KCNH1: variants seen among roughly 807,000 people sequenced by gnomAD.
KCNH1 encodes the protein voltage-gated delayed rectifier potassium channel KCNH1.
A neutral mutation model predicts 69.2 loss-of-function variants in KCNH1; 27 were observed. The observed-to-expected ratio is 0.39, with a 90% CI of 0.29 to 0.54. The LOEUF is 0.54. Ranked by LOEUF, KCNH1 falls within the 20% of genes least tolerant of loss-of-function variation. The pLI, the probability that KCNH1 is intolerant of heterozygous loss-of-function variation, is 0.68. For synonymous variants in KCNH1, 456 were observed against 487.7 expected, an observed-to-expected ratio of 0.93 and a Z score of 0.86; for missense variants, 798 against 1,261.6, an observed-to-expected ratio of 0.63 and a Z score of 5.57.
intron 7 of KCNH1, among the ~76,000 whole-genome samples, chr1:210,812,260 A>C (rs1684719217): frequency 6.6e-6 from 1 of 152,178 alleles, no homozygotes; most frequent in Non-Finnish European, 1.5e-5. Flanking sequence ...TTACCTATTA[A>C]GAGCCACTAT....
chr1:210,895,627 T>C (rs1686849006), intron 7 of KCNH1, among the ~76,000 whole-genome samples: 1 of 152,060 alleles, frequency 6.6e-6, no homozygotes, highest in Non-Finnish European at 1.5e-5. Flanking sequence ...CTCTGACCCA[T>C]AATTATCTTC....
chr1:210,995,213 G>T (rs761594150), intron 6 of KCNH1, among the ~76,000 whole-genome samples: 1 of 152,100 alleles, frequency 6.6e-6, no homozygotes, highest in African/African-American at 2.4e-5. Flanking sequence ...CTTTAAAAGA[G>T]GAACAGATTC....
At chr1:210,717,374 G>C (rs1022312350) in intron 10 of KCNH1, among the ~76,000 whole-genome samples, 1 of 152,206 alleles carries the variant, frequency 6.6e-6, no homozygotes, top group African/African-American at 2.4e-5. Context: ...CTGCACCTCA[G>C]CATGGCCCCT....
chr1:210,777,898 T>A (rs764878587), intron 9 of KCNH1, among the ~76,000 whole-genome samples: 10 of 152,192 alleles, frequency 6.6e-5, no homozygotes, highest in Non-Finnish European at 1.2e-4. Flanking sequence ...GAAGAAGCGA[T>A]GTTCTGGGAT....
intron 6 of KCNH1, among the ~76,000 whole-genome samples, chr1:210,977,066 A>T (rs1185592308): frequency 2.6e-5 from 4 of 152,170 alleles, no homozygotes; most frequent in Non-Finnish European, 5.9e-5. Context: ...CAAATGTCCA[A>T]AAATGATAGA....
At chr1:210,736,590 T>A (rs1404072073) in intron 10 of KCNH1, among the ~76,000 whole-genome samples, 5 of 151,768 alleles carry the variant, frequency 3.3e-5, no homozygotes, top group African/African-American at 1.2e-4. Context: ...AGGTTCCATA[T>A]CATCTGCCCT....
chr1:211,019,003 G>T lies in KCNH1; in HGVS notation c.812C>A (p.Thr271Asn). 6.2e-7 allele frequency: 1 copy of T among 1,614,024 alleles called. No individual in the cohort carries two copies. Among genetic ancestry groups the T allele is most frequent in the South Asian group, 1.1e-5 (1 of 91,082 alleles). ...CTCCCCTGCTGGTCCAACAAAGGTGGTATGAAAATTGAGCACAATGTCCAC... is the reference window on the plus strand; with the variant it reads ...CTCCCCTGCTGGTCCAACAAAGGTGTTATGAAAATTGAGCACAATGTCCAC... ...FLVDIVLNFH[T>N]TFVGPAGEVI... The change falls in exon 6 of 11, where the codon ACC becomes AAC. Residue 271 changes from threonine (T) to asparagine (N), a missense_variant. Physicochemically the swap from Thr to Asn is moderately conservative, Grantham distance 65. Around this residue, in one of 4 missense-constraint regions of KCNH1, gnomAD observed 266 missense variants for 457.2 expected, o/e 0.58. Transcript: ENST00000271751.
At position 210,765,291 on chromosome 1, in the gene KCNH1, G is replaced by A. The variant is rs571927183; in HGVS notation, c.2112+10057C>T. 2.0e-5 allele frequency among the ~76,000 whole-genome samples: 3 copies of A among 152,138 alleles called. No individual in the cohort carries two copies. In the South Asian group the frequency reaches 6.2e-4, roughly 32 times the overall value. The stretch of plus-strand genomic sequence containing the variant: ...AGGGTTGAAAAACTATCTACTACTG[G>A]GTAGTATGTTCACTACTTGGGTAGT... On this transcript the variant is annotated intron_variant, in intron 10 of 10. Coordinates refer to ENST00000271751, the MANE Select transcript of KCNH1 (RefSeq NM_172362.3).
At chr1:211,038,855 A>T (rs1351007519) in intron 5 of KCNH1, among the ~76,000 whole-genome samples, 1 of 152,226 alleles carries the variant, frequency 6.6e-6, no homozygotes, top group Non-Finnish European at 1.5e-5. Flanking sequence ...GAAACAGCAT[A>T]AAAGTTCAGA....
Position 210,683,366 on chromosome 1 carries a change from C to A in KCNH1, c.2885G>T (p.Arg962Ile). 6.2e-7 allele frequency: 1 copy of A among 1,614,098 alleles called. No individual in the cohort carries two copies. The highest frequency in any genetic ancestry group is 1.7e-5 in the Admixed American group (1 of 60,012). Reference sequence around the variant, plus strand: ...CAACTCCTGAGGAGACTGAGAGGATCTTCTGGAAGTTAATATCCTGAGTAT... The same window carrying A: ...CAACTCCTGAGGAGACTGAGAGGATATTCTGGAAGTTAATATCCTGAGTAT... Reference protein sequence around the residue: ...SEILRILTSRRSSQSPQELFE... With the variant: ...SEILRILTSRISSQSPQELFE... The change falls in exon 11 of 11, where the codon AGA (arginine) becomes ATA (isoleucine). Residue 962 changes from arginine to isoleucine, a missense_variant. Physicochemically the swap from Arg to Ile is moderately conservative, Grantham distance 97. Around this residue, in one of 4 missense-constraint regions of KCNH1, gnomAD observed 331 missense variants for 363.2 expected, o/e 0.91. Transcript: ENST00000271751. This position sits in a 1 kb window ranked among gnomAD's most constrained non-coding sequence, Gnocchi z 5.7.
intron 1 of KCNH1, among the ~76,000 whole-genome samples, chr1:211,108,860 C>T (rs1379997550): frequency 6.6e-6 from 1 of 152,162 alleles, no homozygotes; most frequent in Non-Finnish European, 1.5e-5. Flanking sequence ...ATAAATTGTT[C>T]TTGAGTGCCA....
intron 10 of KCNH1, among the ~76,000 whole-genome samples, chr1:210,735,417 A>AGTGT (rs1171327261): frequency 1.7e-5 from 2 of 115,968 alleles, no homozygotes; most frequent in Admixed American, 1.0e-4. Context: ...TGAATGAGTG[A>AGTGT]GTGAGTGTGT....
intron 6 of KCNH1, among the ~76,000 whole-genome samples, chr1:210,941,413 A>C (rs1687873206): frequency 6.6e-6 from 1 of 152,170 alleles, no homozygotes; most frequent in African/African-American, 2.4e-5. Flanking sequence ...GTTGGGGGCA[A>C]GGAGGCAAGG....
intron 1 of KCNH1, 50 bp from the exon 2 acceptor site, chr1:211,107,427 A>G (rs1205255043): frequency 6.4e-7 from 1 of 1,559,036 alleles, no homozygotes; most frequent in East Asian, 2.2e-5. Flanking sequence ...GCAACACATT[A>G]GTTGAGATTC....
At chr1:211,068,082 T>A (rs761243943) in intron 5 of KCNH1, among the ~76,000 whole-genome samples, 3 of 152,238 alleles carry the variant, frequency 2.0e-5, no homozygotes, top group Non-Finnish European at 4.4e-5. Flanking sequence ...AACAAGGAGA[T>A]AAACCGGCTT....
intron 7 of KCNH1, among the ~76,000 whole-genome samples, chr1:210,806,832 AAAAAATAT>A (rs1684584066): frequency 1.5e-5 from 1 of 65,956 alleles, no homozygotes; most frequent in African/African-American, 5.4e-5. Flanking sequence ...AAAAAAAAAA[AAAAAATAT>A]ATATATATAT....
At chr1:210,853,213 T>C (rs1442311823) in intron 7 of KCNH1, among the ~76,000 whole-genome samples, 1 of 152,162 alleles carries the variant, frequency 6.6e-6, no homozygotes, top group Non-Finnish European at 1.5e-5. Context: ...CTCAGTTTCT[T>C]TTTCTGTCAA....
intron 6 of KCNH1, among the ~76,000 whole-genome samples, chr1:210,987,611 C>T (rs957572922): frequency 2.0e-5 from 3 of 150,730 alleles, no homozygotes; most frequent in Non-Finnish European, 4.5e-5. Context: ...ATTGGTGAAC[C>T]GCAAATGCTG....
intron 6 of KCNH1, among the ~76,000 whole-genome samples, chr1:211,017,612 A>T (rs549134236): frequency 3.3e-5 from 5 of 152,206 alleles, no homozygotes; most frequent in Non-Finnish European, 7.3e-5. Context: ...CACAAACTAG[A>T]TAAGAATCTG....
Sources: gnomAD v4.1 joint callset for allele counts (sites outside exome capture counted in the v4.1 genomes callset) on GRCh38, gnomAD v4.1.1 for gene constraint, gnomAD v4.1.1 regional missense constraint, Gnocchi (gnomAD v3.1) non-coding constraint, MANE v1.5 for transcripts, NCBI Gene and HGNC (gene_info 2026-07-23, HGNC 2026-07-21) for gene names.